The following SELE variants were observed in gnomAD, a reference collection of about 807,000 sequenced individuals.
The protein encoded by SELE is selectin E, also known as E-selectin.
A neutral mutation model predicts 75.8 loss-of-function variants in SELE; 52 were observed. The ratio of observed to expected loss-of-function variants is 0.69; its 90% CI spans 0.55 to 0.86. The LOEUF (loss-of-function observed/expected upper bound fraction) is 0.86, where lower values mean the gene tolerates loss of function less well. Among genes scored for constraint, SELE ranks in the 40% least tolerant of loss-of-function variants. The pLI, the probability that SELE is intolerant of heterozygous loss-of-function variation, is 0.00. For missense variants in SELE, 754 were observed against 732.7 expected, an observed-to-expected ratio of 1.03 and a Z score of -0.34; for synonymous variants, 285 against 258.7, an observed-to-expected ratio of 1.10 and a Z score of -0.98.
chr1:169,727,341 T>C lies in SELE; in HGVS notation c.1645+8A>G. The C allele has an allele frequency of 6.2e-7, 1 of 1,608,280 alleles. No individual in the cohort carries two copies. Among genetic ancestry groups the C allele is most frequent in the African/African-American group, 1.3e-5 (1 of 74,826 alleles). On this transcript the variant is annotated splice_region_variant and intron_variant, in intron 10 of 13. Coordinates refer to ENST00000333360, the MANE Select transcript of SELE (RefSeq NM_000450.2). The stretch of plus-strand genomic sequence containing the variant: ...TCACCAGACAACCACCATCAATCAA[T>C]GCATCACCTTCACAGGTAGGTAGCA...
Position 169,727,789 on chromosome 1 carries a change from A to G in SELE, c.1418T>C (p.Leu473Pro). 6.2e-7 allele frequency: 1 copy of G among 1,614,150 alleles called. No homozygotes were observed. The highest frequency in any genetic ancestry group is 8.5e-7 in the Non-Finnish European group (1 of 1,180,014). The change falls in exon 9 of 14, where the codon CTT becomes CCT. Residue 473 changes from leucine to proline, a missense_variant. Leu to Pro is a moderately conservative substitution (Grantham distance 98). Transcript: ENST00000333360. ...EGFELHGSTQ[L>P]ECTSQGQWTE... Reference sequence around the variant, plus strand: ...CCATTGTCCCTGAGATGTGCACTCAAGTTGAGTTGATCCATGTAATTCAAA... The same window carrying G: ...CCATTGTCCCTGAGATGTGCACTCAGGTTGAGTTGATCCATGTAATTCAAA...
At chr1:169,733,742 A>G (rs1558016428) in intron 1 of SELE, 82 bp from the exon 2 acceptor site, 5 of 893,480 alleles carry the variant, frequency 5.6e-6, no homozygotes, top group Non-Finnish European at 7.3e-6. Flanking sequence ...TGTTTAAGGC[A>G]GCATCCTAAG....
Position 169,727,661 on chromosome 1 carries a change from C to A in SELE, c.1468+78G>T, listed in dbSNP as rs113272356. The A allele has an allele frequency of 1.9e-4, 286 of 1,542,774 alleles. No individual in the cohort carries two copies. In the African/African-American group the frequency reaches 1.9e-3, roughly 10 times the overall value. Reference sequence around the variant, plus strand: ...AGCATGTAGGAAATTAGGACCAAACCCCTTTGGGGCAATCTAGGTTCAGAA... The same window carrying A: ...AGCATGTAGGAAATTAGGACCAAACACCTTTGGGGCAATCTAGGTTCAGAA... On this transcript the variant is annotated intron_variant, in intron 9 of 13. Coordinates refer to ENST00000333360, the MANE Select transcript of SELE (RefSeq NM_000450.2).
Position 169,727,802 on chromosome 1 carries a change from C to T in SELE, c.1405G>A (p.Gly469Arg). ...GATGTGCACTCAAGTTGAGTTGATC[C>T]ATGTAATTCAAATCCCTCCTCACAG... Reference protein sequence around the residue: ...FSCEEGFELHGSTQLECTSQG... With the variant: ...FSCEEGFELHRSTQLECTSQG... The change falls in exon 9 of 14, where the codon GGA becomes AGA. Residue 469 changes from glycine to arginine, a missense_variant. By Grantham distance (125) the Gly-to-Arg change is moderately radical. Transcript: ENST00000333360. 2 of 1,614,126 alleles carry T rather than the reference C, an allele frequency of 1.2e-6. No homozygotes were observed. Among genetic ancestry groups the T allele is most frequent in the Non-Finnish European group, 8.5e-7 (1 of 1,180,002 alleles).
At position 169,729,297 on chromosome 1, in the gene SELE, A is replaced by G; in HGVS notation, c.979T>C (p.Phe327Leu). 6.2e-7 allele frequency: 1 copy of G among 1,614,152 alleles called. No homozygotes were observed. Among genetic ancestry groups the G allele is most frequent in the Non-Finnish European group, 8.5e-7 (1 of 1,180,010 alleles). The change falls in exon 7 of 14, where the codon TTC becomes CTC. Residue 327 changes from phenylalanine (F) to leucine (L), a missense_variant. Physicochemically the swap from Phe to Leu is conservative, Grantham distance 22 (BLOSUM62 0). Coordinates refer to ENST00000333360, the MANE Select transcript of SELE (RefSeq NM_000450.2). ...CAGGTGAAGTTGCAGGATGATTTGA[A>G]GGTGAACTCTCCAGCAGGGGAATGG... Reference protein sequence around the residue: ...CSHSPAGEFTFKSSCNFTCEE... With the variant: ...CSHSPAGEFTLKSSCNFTCEE...
chr1:169,730,445 A>G lies in SELE; in HGVS notation c.702T>C (p.Ile234=). 6.2e-7 allele frequency: 1 copy of G among 1,600,902 alleles called. No homozygotes were observed. Among genetic ancestry groups the G allele is most frequent in the Non-Finnish European group, 8.5e-7 (1 of 1,171,324 alleles). ...CMSSGEWSAP[I]PACNVVECDA... Reference sequence around the variant, plus strand: ...AGAGGGATTTACCATTGCAGGCTGGAATAGGAGCACTCCATTCTCCAGAGG... The same window carrying G: ...AGAGGGATTTACCATTGCAGGCTGGGATAGGAGCACTCCATTCTCCAGAGG... Residue 234 remains isoleucine, a synonymous_variant, in exon 5 of 14, where the codon ATT becomes ATC. Coordinates refer to ENST00000333360, the MANE Select transcript of SELE (RefSeq NM_000450.2).
At chr1:169,727,949 T>C (rs755125400) in intron 8 of SELE, 22 bp from the exon 9 acceptor site, 1 of 1,602,330 alleles carries the variant, frequency 6.2e-7, no homozygotes. Flanking sequence ...GAGAGAGCAC[T>C]TTAGAAGTTT....
Position 169,725,770 on chromosome 1 carries a change from A to G in SELE, c.1807T>C (p.Tyr603His). The G allele has an allele frequency of 1.9e-6, 3 of 1,614,112 alleles. No individual in the cohort carries two copies. The highest frequency in any genetic ancestry group is 2.5e-6 in the Non-Finnish European group (3 of 1,179,980). Residue 603 changes from tyrosine (Y) to histidine (H), a missense_variant, in exon 13 of 14, where the codon TAC (tyrosine) becomes CAC (histidine). By Grantham distance (83) the Tyr-to-His change is moderately conservative. Transcript: ENST00000333360. ...TAAAGGATGTAAGAAGGCTTTTGGT[A>G]GCTTCCATCTGATTCAAGGCTTTGG... ...SCQSLESDGS[Y>H]QKPSYIL
chr1:169,727,252 T>A, intron 10 of SELE, 97 bp downstream of exon 10: 1 of 1,369,046 alleles, frequency 7.3e-7, no homozygotes, highest in South Asian at 1.5e-5. Context: ...GGGCGAACTT[T>A]CTGGTTTGGA....
chr1:169,732,827 T>G lies in SELE; in HGVS notation c.209A>C (p.Tyr70Ser). ...NSILSYSPSY[Y>S]WIGIRKVNNV... ...GTTGACTTTTCTGATTCCAATCCAGTAATAACTTGGTGAATAGCTCAATAT... is the reference window on the plus strand; with the variant it reads ...GTTGACTTTTCTGATTCCAATCCAGGAATAACTTGGTGAATAGCTCAATAT... The change falls in exon 3 of 14, where the codon TAC (tyrosine) becomes TCC (serine). Residue 70 changes from tyrosine (Y) to serine (S), a missense_variant. Tyr to Ser is a moderately radical substitution (Grantham distance 144). Transcript: ENST00000333360. The G allele has an allele frequency of 6.2e-7, 1 of 1,614,192 alleles. No individual in the cohort carries two copies. Among genetic ancestry groups the G allele is most frequent in the Non-Finnish European group, 8.5e-7 (1 of 1,180,022 alleles).
At chr1:169,728,816 TAATTATGAGCC>T (rs1648838091) in intron 7 of SELE, among the ~76,000 whole-genome samples, 1 of 152,250 alleles carries the variant, frequency 6.6e-6, no homozygotes, top group African/African-American at 2.4e-5. Flanking sequence ...TCATCACTGC[TAATTATGAGCC>T]ATTTCAGAAG....
In SELE at chr1:169,727,919, A is replaced by T; in HGVS notation, c.1288T>A (p.Cys430Ser). Reference sequence around the variant, plus strand: ...TTCGGGGGCTGGTGGACAGCATCGCATCTCACAGCTGGAACACACGAGAGA... The same window carrying T: ...TTCGGGGGCTGGTGGACAGCATCGCTTCTCACAGCTGGAACACACGAGAGA... ...NEKPTCEAVR[C>S]DAVHQPPKGL... is the part of the protein sequence containing the mutation. The change falls in exon 9 of 14, where the codon TGC becomes AGC. Residue 430 changes from cysteine to serine, a missense_variant. Cys to Ser is a moderately radical substitution (Grantham distance 112). Transcript: ENST00000333360. The T allele has an allele frequency of 6.2e-7, 1 of 1,613,544 alleles. No homozygotes were observed. The highest frequency in any genetic ancestry group is 1.7e-5 in the Admixed American group (1 of 59,958).
In SELE at chr1:169,729,210, T is replaced by A; in HGVS notation, c.1066A>T (p.Thr356Ser). The change falls in exon 7 of 14, where the codon ACA becomes TCA. Residue 356 changes from threonine to serine, a missense_variant. By Grantham distance (58) the Thr-to-Ser change is moderately conservative. Coordinates refer to ENST00000333360, the MANE Select transcript of SELE (RefSeq NM_000450.2). ...QVECTTQGQW[T>S]QQIPVCEAFQ... Reference sequence around the variant, plus strand: ...CCTTCACAAACTGGGATTTGCTGTGTCCACTGCCCTTGAGTGGTGCATTCA... The same window carrying A: ...CCTTCACAAACTGGGATTTGCTGTGACCACTGCCCTTGAGTGGTGCATTCA... 1 of 1,612,794 alleles carries A rather than the reference T, an allele frequency of 6.2e-7. No individual in the cohort carries two copies. The highest frequency in any genetic ancestry group is 2.2e-5 in the East Asian group (1 of 44,850).
At position 169,733,564 on chromosome 1, in the gene SELE, G is replaced by A. The variant is rs932307; in HGVS notation, c.37+12C>T. The A allele has an allele frequency of 0.27, 432,522 of 1,608,712 alleles. 63,081 individuals carry two copies. Among genetic ancestry groups the A allele is most frequent in the East Asian group, 0.53 (23,720 of 44,840 alleles). ...GAGAATGAGAAATCTTGGTCTAATG[G>A]CACTGACTTACCCAAAGTGAGAGCT... On this transcript the variant is annotated intron_variant, in intron 2 of 13. Coordinates refer to ENST00000333360, the MANE Select transcript of SELE (RefSeq NM_000450.2).
At position 169,723,655 on chromosome 1, in the gene SELE, G is replaced by A. The variant is rs1351577232; in HGVS notation, c.*870C>T. Reference sequence around the variant, plus strand: ...TAAAAACACTCAGAACTTTATTCTGGTTAACATCATGCCTTGCTAGGGGAC... The same window carrying A: ...TAAAAACACTCAGAACTTTATTCTGATTAACATCATGCCTTGCTAGGGGAC... On this transcript the variant is annotated 3_prime_UTR_variant, in exon 14 of 14. Coordinates refer to ENST00000333360, the MANE Select transcript of SELE (RefSeq NM_000450.2). 1 of 152,158 alleles carries A rather than the reference G, an allele frequency of 6.6e-6. No individual in the cohort carries two copies. The highest frequency in any genetic ancestry group is 2.4e-5 in the African/African-American group (1 of 41,442). The allele number at this position is 152,158 out of a possible 1,614,324, so 9.4% of individuals were successfully genotyped here.
intron 2 of SELE, 89 bp downstream of exon 2, chr1:169,733,487 C>G (rs1648970657): frequency 7.6e-7 from 1 of 1,309,148 alleles, no homozygotes; most frequent in South Asian, 1.2e-5. Context: ...ATATCCTGTG[C>G]AGGACAGCCC....
chr1:169,725,579 AAAT>A (rs148328161), intron 13 of SELE, 147 bp downstream of exon 13: 55,271 of 617,968 alleles, frequency 0.089, 2,890 homozygotes, highest in Middle Eastern at 0.12. Context: ...CTTCTACAAA[AAAT>A]AAAGCAACTT....
intron 12 of SELE, 35 bp from the exon 13 acceptor site, chr1:169,725,836 G>A (rs1242450816): frequency 2.5e-6 from 4 of 1,613,502 alleles, no homozygotes; most frequent in Admixed American, 3.3e-5. Context: ...GTAAAGCACT[G>A]TCTTCCAACA....
At chr1:169,731,642 T>C (rs544414015) in intron 4 of SELE, 193 bp downstream of exon 4, 1 of 515,778 alleles carries the variant, frequency 1.9e-6, no homozygotes, top group South Asian at 2.3e-5. Context: ...CTTGTCAAGG[T>C]GCCAAAATAA....
Sources: allele counts gnomAD v4.1 joint callset (sites outside exome capture counted in the v4.1 genomes callset), GRCh38; gene constraint gnomAD v4.1.1; transcripts MANE v1.5; gene names NCBI Gene and HGNC (gene_info 2026-07-23, HGNC 2026-07-21).